TNFSF11: variants seen among roughly 807,000 people sequenced by gnomAD.
The protein encoded by TNFSF11 is TNF superfamily member 11.
A neutral mutation model predicts 32.2 loss-of-function variants in TNFSF11; 12 were observed. The observed-to-expected ratio is 0.37, with a 90% CI of 0.24 to 0.60. The LOEUF (loss-of-function observed/expected upper bound fraction) is 0.60. Ranked by LOEUF, TNFSF11 falls within the 20% of genes least tolerant of loss-of-function variation. The pLI is 0.66. For synonymous variants in TNFSF11, 172 were observed against 152.1 expected (o/e 1.13, Z -0.96); for missense variants, 345 against 398.0 (o/e 0.87, Z 1.13).
chr13:42,600,836 G>A (rs566412573), intron 3 of TNFSF11, 39 bp downstream of exon 3: 4 of 1,613,996 alleles, frequency 2.5e-6, no homozygotes, highest in Admixed American at 1.7e-5. Context: ...AATCCCACAG[G>A]GTCACTACTA....
chr13:42,605,472 C>A (rs1024943455), intron 4 of TNFSF11, among the ~76,000 whole-genome samples: 3 of 152,172 alleles, frequency 2.0e-5, no homozygotes, highest in Non-Finnish European at 4.4e-5. Context: ...CAATACAAAT[C>A]TTTGATTAAT....
chr13:42,600,109 T>C (rs1345782477), intron 2 of TNFSF11, among the ~76,000 whole-genome samples: 1 of 152,234 alleles, frequency 6.6e-6, no homozygotes, highest in Admixed American at 6.5e-5. Context: ...AGGGTTCAAA[T>C]TGAGATATGC....
intron 1 of TNFSF11, among the ~76,000 whole-genome samples, chr13:42,578,373 G>C (rs1873423132): frequency 6.6e-6 from 1 of 152,142 alleles, no homozygotes; most frequent in Admixed American, 6.5e-5. Context: ...ATTTACCTGT[G>C]TGTGTGGCTG....
At chr13:42,590,027 G>A (rs899950600) in intron 2 of TNFSF11, among the ~76,000 whole-genome samples, 2 of 152,336 alleles carry the variant, frequency 1.3e-5, no homozygotes, top group East Asian at 3.9e-4. Flanking sequence ...GGGCCCACAC[G>A]GGGCTTCTTG....
chr13:42,596,034 G>A (rs1351318579), intron 2 of TNFSF11, among the ~76,000 whole-genome samples: 2 of 152,170 alleles, frequency 1.3e-5, no homozygotes, highest in African/African-American at 4.8e-5. Context: ...GTTTGGGTTC[G>A]TCTTCAGAAG....
At chr13:42,568,135 A>C (rs1191647301) in intron 2 of TNFSF11, among the ~76,000 whole-genome samples, 3 of 152,246 alleles carry the variant, frequency 2.0e-5, no homozygotes, top group African/African-American at 7.2e-5. Flanking sequence ...TAAATGTTAA[A>C]TCTCCATCCC....
Position 42,606,492 on chromosome 13 carries a change from C to T in TNFSF11, c.533-5C>T, listed in dbSNP as rs1869459224. On this transcript the variant is annotated splice_region_variant and splice_polypyrimidine_tract_variant and intron_variant, in intron 4 of 4. Coordinates refer to ENST00000398795, the MANE Select transcript of TNFSF11 (RefSeq NM_003701.4). ...TTTCAAATCTTATGCCTCTCTTCTC[C>T]ACAGGTTCCCATAAAGTGAGTCTGT... The T allele has an allele frequency of 6.2e-7, 1 of 1,614,196 alleles. No individual in the cohort carries two copies. The highest frequency in any genetic ancestry group is 1.1e-5 in the South Asian group (1 of 91,088).
chr13:42,586,184 A>G (rs781192155), intron 2 of TNFSF11, among the ~76,000 whole-genome samples: 2 of 152,234 alleles, frequency 1.3e-5, no homozygotes, highest in African/African-American at 2.4e-5. Context: ...ACAGTCAGCC[A>G]TTTTTGAAGA....
chr13:42,598,817 G>T (rs967467015), intron 2 of TNFSF11, among the ~76,000 whole-genome samples: 6 of 152,120 alleles, frequency 3.9e-5, no homozygotes, highest in Non-Finnish European at 8.8e-5. Context: ...AAGAAAGAAA[G>T]AAAAAGATGC....
At position 42,588,355 on chromosome 13, in the gene TNFSF11, AG is replaced by A. The variant is rs376605069; in HGVS notation, c.387+7064del. Among the ~76,000 whole-genome samples the A allele has an allele frequency of 8.1e-3, 1,241 of 152,346 alleles. 16 individuals are homozygous for A. The highest frequency in any genetic ancestry group is 0.037 in the South Asian group (178 of 4,826). ...GAAAATAACCGGTGAGTTATGTCAGAGGTGGGCTTTTCTTTGTGTTACAAGT... is the reference window on the plus strand; with the variant it reads ...GAAAATAACCGGTGAGTTATGTCAGAGTGGGCTTTTCTTTGTGTTACAAGT... On this transcript the variant is annotated intron_variant, in intron 2 of 4. Transcript: ENST00000398795.
At chr13:42,583,417 T>TAAAAAAAAAAAAAAAAAAAA (rs71747752) in intron 2 of TNFSF11, among the ~76,000 whole-genome samples, 12 of 24,586 alleles carry the variant, frequency 4.9e-4, no homozygotes, top group African/African-American at 9.7e-4. Flanking sequence ...AAGACCCTGC[T>TAAAAAAAAAAAAAAAAAAAA]AAAAAAAAAA....
At chr13:42,582,683 G>A (rs192498622) in intron 2 of TNFSF11, among the ~76,000 whole-genome samples, 77 of 152,268 alleles carry the variant, frequency 5.1e-4, no homozygotes, top group African/African-American at 1.6e-3. Flanking sequence ...TTGGCTTCAC[G>A]CAGAATAGAT....
intron 2 of TNFSF11, among the ~76,000 whole-genome samples, chr13:42,583,857 T>G (rs1594465728): frequency 6.6e-6 from 1 of 151,526 alleles, no homozygotes; most frequent in Non-Finnish European, 1.5e-5. Flanking sequence ...AAAATATATA[T>G]AGAGAAAAGA....
At chr13:42,588,235 T>C (rs1873993329) in intron 2 of TNFSF11, among the ~76,000 whole-genome samples, 1 of 152,228 alleles carries the variant, frequency 6.6e-6, no homozygotes, top group Non-Finnish European at 1.5e-5. Context: ...ACCAAGGCCA[T>C]CTATTGGCTT....
intron 1 of TNFSF11, among the ~76,000 whole-genome samples, chr13:42,564,690 T>G (rs1872806002): frequency 6.6e-6 from 1 of 152,260 alleles, no homozygotes; most frequent in African/African-American, 2.4e-5. Context: ...TGTCATGTCA[T>G]GTGATTTTGA....
At chr13:42,584,428 G>C (rs749729987) in intron 2 of TNFSF11, among the ~76,000 whole-genome samples, 10 of 152,170 alleles carry the variant, frequency 6.6e-5, no homozygotes, top group Admixed American at 1.3e-4. Flanking sequence ...TTGCTCACTG[G>C]CAGTAGTGTC....
Position 42,607,016 on chromosome 13 carries a change from AG to A in TNFSF11, c.*100del. ...TATATAGGTGTGTGAGACTACTAAG[AG>A]GCATGGCCCCAACGGTACACGACTC... On this transcript the variant is annotated 3_prime_UTR_variant, in exon 5 of 5. Coordinates refer to ENST00000398795, the MANE Select transcript of TNFSF11 (RefSeq NM_003701.4). 3 of 1,494,556 alleles carry A rather than the reference AG, an allele frequency of 2.0e-6. No homozygotes were observed. In the South Asian group the frequency reaches 3.5e-5, roughly 17 times the overall value. The allele number at this position is 1,494,556 out of a possible 1,614,324, so 92.6% of individuals were successfully genotyped here.
At chr13:42,589,774 C>T (rs1027104476) in intron 2 of TNFSF11, among the ~76,000 whole-genome samples, 11 of 152,222 alleles carry the variant, frequency 7.2e-5, no homozygotes, top group African/African-American at 2.4e-4. Context: ...CGAACAGTGT[C>T]CTCAGAAACC....
chr13:42,578,325 C>A (rs907653440), intron 1 of TNFSF11, among the ~76,000 whole-genome samples: 2 of 152,126 alleles, frequency 1.3e-5, no homozygotes, highest in Admixed American at 1.3e-4. Context: ...AGTCTGGCTC[C>A]CTCCCTGCTC....
Sources: allele counts gnomAD v4.1 joint callset (sites outside exome capture counted in the v4.1 genomes callset), GRCh38; gene constraint gnomAD v4.1.1; transcripts MANE v1.5; gene names NCBI Gene and HGNC (gene_info 2026-07-23, HGNC 2026-07-21).